Variants in C21orf58 observed in about 807,000 individuals in gnomAD.
C21orf58 encodes the protein uncharacterized protein C21orf58.
A neutral mutation model predicts 35.8 loss-of-function variants in C21orf58; 34 were observed. That is an observed-to-expected ratio of 0.95 (90% confidence interval 0.72 to 1.26). The LOEUF (loss-of-function observed/expected upper bound fraction) is 1.26, where lower values mean the gene tolerates loss of function less well. C21orf58 is among the 50% of genes most tolerant of loss of function. The pLI is 0.00. For synonymous variants in C21orf58, 191 were observed against 175.8 expected, an observed-to-expected ratio of 1.09 and a Z score of -0.68; for missense variants, 440 against 414.3, an observed-to-expected ratio of 1.06 and a Z score of -0.54.
chr21:46,320,210 C>G (rs1041412335), intron 1 of C21orf58, among the ~76,000 whole-genome samples: 2 of 151,890 alleles, frequency 1.3e-5, no homozygotes, highest in Non-Finnish European at 2.9e-5. Flanking sequence ...TCAAGTGATT[C>G]TCCTGCCTCA....
At position 46,301,547 on chromosome 21, in the gene C21orf58, G is replaced by T. The variant is rs556189321; in HGVS notation, c.*452C>A. 2.0e-6 allele frequency: 2 copies of T among 988,666 alleles called. No individual in the cohort carries two copies. Among genetic ancestry groups the T allele is most frequent in the Admixed American group, 1.2e-4 (2 of 16,386 alleles). 61.2% of individuals were successfully genotyped at this position (988,666 alleles called of 1,614,324 possible). The stretch of plus-strand genomic sequence containing the variant: ...CCCATCAGGATGTTCACACTTCCAT[G>T]TGGCTAAAGCTATTGATCTTTTCTG... On this transcript the variant is annotated 3_prime_UTR_variant, in exon 8 of 8. Transcript: ENST00000291691.
chr21:46,311,427 C>G, intron 6 of C21orf58, 29 bp downstream of exon 6: 1 of 1,374,940 alleles, frequency 7.3e-7, no homozygotes, highest in Non-Finnish European at 1.0e-6. Flanking sequence ...TTTCCTCAAC[C>G]CACAACAATA....
chr21:46,309,044 C>T lies in C21orf58; in HGVS notation c.721+2412G>A, dbSNP rs113098961. Among the ~76,000 whole-genome samples, 82 of 152,316 alleles carry T rather than the reference C, an allele frequency of 5.4e-4. 2 individuals carry two copies. Among genetic ancestry groups the T allele is most frequent in the African/African-American group, 1.2e-3 (50 of 41,572 alleles). ...TATAAATTACCCAGATTTGGCCAGG[C>T]GCAGTGGCTCACGCCTGTAATCCTA... On this transcript the variant is annotated intron_variant, in intron 6 of 7. Coordinates refer to ENST00000291691, the MANE Select transcript of C21orf58 (RefSeq NM_058180.5).
In C21orf58 at chr21:46,316,348, C is replaced by T. The variant is rs371139417; in HGVS notation, c.371-801G>A. Among the ~76,000 whole-genome samples the T allele has an allele frequency of 1.6e-4, 25 of 152,136 alleles. 1 individual carries two copies. In the South Asian group the frequency reaches 4.2e-3, roughly 25 times the overall value. On this transcript the variant is annotated intron_variant, in intron 3 of 7. Coordinates refer to ENST00000291691, the MANE Select transcript of C21orf58 (RefSeq NM_058180.5). ...GAGCGCACCTGTAATCTCAGCTACT[C>T]GGGAGGCTGAGGCACAAGAATTGTT...
chr21:46,302,434 C>T (rs759621418), intron 7 of C21orf58, 51 bp downstream of exon 7: 5 of 1,414,682 alleles, frequency 3.5e-6, no homozygotes, highest in East Asian at 2.4e-5. Context: ...GAAGAAAAAC[C>T]ACCCAGGCCC....
intron 6 of C21orf58, among the ~76,000 whole-genome samples, chr21:46,303,754 T>TA (rs2082278244): frequency 1.9e-5 from 1 of 51,490 alleles, no homozygotes; most frequent in Non-Finnish European, 4.1e-5. Context: ...TATTTTTTTT[T>TA]TTTTTTTTTT....
intron 1 of C21orf58, 78 bp downstream of exon 1, chr21:46,322,561 G>A: frequency 7.3e-7 from 1 of 1,362,376 alleles, no homozygotes; most frequent in South Asian, 2.0e-5. Context: ...CTGCTCTAAT[G>A]AGCCCACTGC....
At chr21:46,318,997 C>G (rs1014493661) in intron 1 of C21orf58, 1 of 296,590 alleles carries the variant, frequency 3.4e-6, no homozygotes, top group East Asian at 1.7e-4. Flanking sequence ...GCACCCTCCT[C>G]GGTGCAGCTA....
intron 6 of C21orf58, among the ~76,000 whole-genome samples, chr21:46,307,457 C>T (rs550162508): frequency 1.3e-5 from 2 of 152,318 alleles, no homozygotes; most frequent in African/African-American, 2.4e-5. Flanking sequence ...CCCACACACA[C>T]ACCCCTACCT....
intron 6 of C21orf58, among the ~76,000 whole-genome samples, chr21:46,305,325 A>ATTT (rs1221538523): frequency 7.1e-6 from 1 of 140,506 alleles, no homozygotes; most frequent in Admixed American, 7.1e-5. Flanking sequence ...TCACAAATTA[A>ATTT]TCTTTTTTTT....
chr21:46,300,874 GC>G, downstream of C21orf58: 1 of 1,078,770 alleles, frequency 9.3e-7, no homozygotes. Flanking sequence ...AAACATAATT[GC>G]ACCCAAAAAA....
chr21:46,317,380 C>T (rs1385047624), intron 2 of C21orf58, 112 bp from the exon 3 acceptor site: 22 of 1,530,614 alleles, frequency 1.4e-5, no homozygotes, highest in Admixed American at 2.0e-5. Context: ...TCAGGAGTAA[C>T]CCAGCCTCTC....
chr21:46,319,490 C>T (rs921731851), intron 1 of C21orf58, among the ~76,000 whole-genome samples: 1 of 152,192 alleles, frequency 6.6e-6, no homozygotes, highest in Non-Finnish European at 1.5e-5. Flanking sequence ...TGCCATTGGG[C>T]GTTGGCTCAC....
chr21:46,309,985 G>A (rs2082599278), intron 6 of C21orf58, among the ~76,000 whole-genome samples: 1 of 152,064 alleles, frequency 6.6e-6, no homozygotes, highest in Admixed American at 6.6e-5. Context: ...CGACAGGCAA[G>A]ACTCTGTCTC....
intron 6 of C21orf58, among the ~76,000 whole-genome samples, chr21:46,308,595 A>G (rs1333569129): frequency 1.3e-5 from 2 of 152,208 alleles, no homozygotes; most frequent in African/African-American, 4.8e-5. Context: ...ATAAGCGAAA[A>G]CAAGAAGCAA....
rs112537183 is a variant in C21orf58, at chr21:46,305,298, G to GTT, written c.722-2724_722-2723dup. The stretch of plus-strand genomic sequence containing the variant: ...GTGGTCACAATGGTAAAGTTACATG[G>GTT]TTTTTTTTTTTTTTAATCACAAATT... On this transcript the variant is annotated intron_variant, in intron 6 of 7. Coordinates refer to ENST00000291691, the MANE Select transcript of C21orf58 (RefSeq NM_058180.5). 1.2e-4 allele frequency among the ~76,000 whole-genome samples: 15 copies of GTT among 124,542 alleles called. 1 individual carries two copies. The South Asian group carries it at 3.9e-3, about 32-fold the overall frequency. The allele number at this position is 124,542 out of a possible 152,430, so 81.7% of individuals were successfully genotyped here.
Position 46,302,032 on chromosome 21 carries a change from G to A in C21orf58, c.936C>T (p.Pro312=), listed in dbSNP as rs75421562. Residue 312 remains proline, a synonymous_variant, in exon 8 of 8, where the codon CCC becomes CCT. Transcript: ENST00000291691. ...GGCCAGGCGTCCACAGGCTGGGGGC[G>A]GGCTGGAGGACAGTGGCAGCCCCAG... ...WPPGAATVLQ[P]APSLWTPGPP 6.6e-4 allele frequency: 1,013 copies of A among 1,525,308 alleles called. 6 individuals are homozygous for A. The African/African-American group carries it at 0.012, about 18-fold the overall frequency. The allele number at this position is 1,525,308 out of a possible 1,614,324, so 94.5% of individuals were successfully genotyped here.
rs1043206196 is a variant in C21orf58 at position 46,323,865 on chromosome 21, C to A, written c.-1127G>T. 15 of 377,090 alleles carry A rather than the reference C, an allele frequency of 4.0e-5. No homozygotes were observed. The highest frequency in any genetic ancestry group is 6.9e-5 in the South Asian group (3 of 43,496). 23.4% of individuals were successfully genotyped at this position (377,090 alleles called of 1,614,324 possible). On this transcript the variant is annotated 5_prime_UTR_variant, in exon 1 of 8. Coordinates refer to ENST00000291691, the MANE Select transcript of C21orf58 (RefSeq NM_058180.5). ...GCCCGCGCGGGACCAGCAGCGCGAA[C>A]TTTTTGCCGCTCGGCCAGCCTGGCA...
At chr21:46,309,273 C>G (rs2082560678) in intron 6 of C21orf58, among the ~76,000 whole-genome samples, 1 of 152,036 alleles carries the variant, frequency 6.6e-6, no homozygotes, top group Admixed American at 6.6e-5. Context: ...CCAGCCTGGT[C>G]AACATGGTGA....
Sources: allele counts gnomAD v4.1 joint callset (sites outside exome capture counted in the v4.1 genomes callset), GRCh38; gene constraint gnomAD v4.1.1; transcripts MANE v1.5; gene names NCBI Gene and HGNC (gene_info 2026-07-23, HGNC 2026-07-21).